Variants in MACROD2 observed in about 807,000 individuals in gnomAD.
MACROD2 encodes mono-ADP ribosylhydrolase 2, also known as ADP-ribose glycohydrolase MACROD2.
Under a neutral mutation model 70.4 loss-of-function variants are expected in MACROD2, and 36 were observed. The observed-to-expected ratio is 0.51, with a 90% CI of 0.39 to 0.68. The LOEUF is 0.68. Ranked by LOEUF, MACROD2 falls within the 30% of genes least tolerant of loss-of-function variation. The pLI is 0.00. For synonymous variants in MACROD2, 172 were observed against 178.8 expected, an observed-to-expected ratio of 0.96 and a Z score of 0.30; for missense variants, 496 against 538.4, an observed-to-expected ratio of 0.92 and a Z score of 0.78.
At chr20:14,084,246 C>T (rs2054047017) in intron 2 of MACROD2, among the ~76,000 whole-genome samples, 1 of 151,642 alleles carries the variant, frequency 6.6e-6, no homozygotes, top group Non-Finnish European at 1.5e-5. Flanking sequence ...GACTCATAAC[C>T]TATCACCTCT....
chr20:14,950,435 A>G (rs1044535011), intron 5 of MACROD2, among the ~76,000 whole-genome samples: 4 of 152,174 alleles, frequency 2.6e-5, no homozygotes, highest in Non-Finnish European at 5.9e-5. Flanking sequence ...AATTAAATCT[A>G]TGGTGTCATG....
intron 5 of MACROD2, among the ~76,000 whole-genome samples, chr20:15,149,217 A>G (rs920620538): frequency 5.3e-5 from 8 of 152,022 alleles, no homozygotes; most frequent in African/African-American, 1.9e-4. Flanking sequence ...AGAATAGCAG[A>G]TGGAACACTG....
chr20:15,268,527 G>A lies in MACROD2; in HGVS notation c.540+38466G>A, dbSNP rs539595679. The stretch of plus-strand genomic sequence containing the variant: ...AAATTAGCCAGGTGTGGTCGTGGGC[G>A]CCTGTAATCCTAGCTACTCAGGAGG... On this transcript the variant is annotated intron_variant, in intron 6 of 17. Coordinates refer to ENST00000684519, the MANE Select transcript of MACROD2 (RefSeq NM_001351661.2). Among the ~76,000 whole-genome samples, 18 of 152,216 alleles carry A rather than the reference G, an allele frequency of 1.2e-4. No individual in the cohort carries two copies. The East Asian group carries it at 2.1e-3, about 18-fold the overall frequency.
At chr20:15,133,118 T>A (rs1346378803) in intron 5 of MACROD2, among the ~76,000 whole-genome samples, 5 of 152,072 alleles carry the variant, frequency 3.3e-5, no homozygotes, top group Non-Finnish European at 5.9e-5. Flanking sequence ...TTTTGCTAAA[T>A]GTACTTAGAA....
chr20:15,522,866 A>G (rs534451308), intron 8 of MACROD2, among the ~76,000 whole-genome samples: 1 of 152,306 alleles, frequency 6.6e-6, no homozygotes, highest in East Asian at 1.9e-4. Context: ...GGAGACGGAG[A>G]GTTTTATGAA....
intron 6 of MACROD2, among the ~76,000 whole-genome samples, chr20:15,389,527 T>C (rs946091374): frequency 6.6e-6 from 1 of 152,220 alleles, no homozygotes; most frequent in Non-Finnish European, 1.5e-5. Flanking sequence ...TATTTTCTAT[T>C]AGCACTCCCC....
intron 5 of MACROD2, chr20:14,905,951 A>G (rs2073953623): frequency 2.0e-5 from 3 of 151,750 alleles, no homozygotes; most frequent in South Asian, 4.2e-4. Flanking sequence ...CACTTTCTCC[A>G]TATTATTGCT....
chr20:15,614,322 T>C (rs2049009108), intron 8 of MACROD2, among the ~76,000 whole-genome samples: 1 of 152,252 alleles, frequency 6.6e-6, no homozygotes, highest in African/African-American at 2.4e-5. Context: ...CCTTTGTTGA[T>C]AATTTTCTCC....
chr20:15,774,787 CT>C (rs2051693854), intron 8 of MACROD2, among the ~76,000 whole-genome samples: 1 of 151,068 alleles, frequency 6.6e-6, no homozygotes, highest in South Asian at 2.1e-4. Flanking sequence ...AGTATTTCCC[CT>C]CTGTTCCCCT....
chr20:14,169,480 T>A (rs1461907872), intron 3 of MACROD2, among the ~76,000 whole-genome samples: 1 of 114,214 alleles, frequency 8.8e-6, no homozygotes, highest in Non-Finnish European at 2.1e-5. Flanking sequence ...AATTTTGTAT[T>A]TTTAGTAGAG....
chr20:15,395,670 A>C (rs2045851183), intron 6 of MACROD2, among the ~76,000 whole-genome samples: 1 of 152,186 alleles, frequency 6.6e-6, no homozygotes, highest in African/African-American at 2.4e-5. Context: ...CGACCCCCAA[A>C]TTAACATATT....
intron 6 of MACROD2, among the ~76,000 whole-genome samples, chr20:15,324,102 G>T (rs1394304690): frequency 1.3e-5 from 2 of 151,580 alleles, no homozygotes; most frequent in African/African-American, 4.8e-5. Flanking sequence ...TTTAATTTTA[G>T]TTTGGTTTAA....
At chr20:15,434,223 A>G (rs767823999) in intron 7 of MACROD2, among the ~76,000 whole-genome samples, 2 of 152,098 alleles carry the variant, frequency 1.3e-5, no homozygotes, top group Admixed American at 6.6e-5. Context: ...AGCAAAATAA[A>G]TAATCAGCAA....
At chr20:14,959,809 A>G (rs2074568063) in intron 5 of MACROD2, among the ~76,000 whole-genome samples, 1 of 152,152 alleles carries the variant, frequency 6.6e-6, no homozygotes, top group African/African-American at 2.4e-5. Flanking sequence ...GTGGGAATCC[A>G]CAGCTAGGAT....
intron 6 of MACROD2, among the ~76,000 whole-genome samples, chr20:15,296,524 CAG>C (rs1045746958): frequency 6.6e-6 from 1 of 152,042 alleles, no homozygotes; most frequent in Non-Finnish European, 1.5e-5. Context: ...CAAAAAATAA[CAG>C]AGAGAGGGAA....
Position 14,230,653 on chromosome 20 carries a change from AT to A in MACROD2, c.271+144926del, listed in dbSNP as rs1193092925. ...TGTTTATATATATATATATATATAT[AT>A]AACACAGGCTGGGCCTATATATATA... is the stretch of plus-strand genomic sequence containing the variant. On this transcript the variant is annotated intron_variant, in intron 3 of 17. Coordinates refer to ENST00000684519, the MANE Select transcript of MACROD2 (RefSeq NM_001351661.2). 5.0e-5 allele frequency among the ~76,000 whole-genome samples: 2 copies of A among 40,000 alleles called. 1 individual carries two copies. The highest frequency in any genetic ancestry group is 7.3e-4 in the Admixed American group (2 of 2,754). 26.2% of individuals were successfully genotyped at this position (40,000 alleles called of 152,430 possible). A position where few individuals can be genotyped will look rare whatever the true frequency, so the allele number is the denominator to read the frequency against.
intron 3 of MACROD2, among the ~76,000 whole-genome samples, chr20:14,350,028 C>T (rs373840137): frequency 6.6e-6 from 1 of 151,666 alleles, no homozygotes; most frequent in African/African-American, 2.4e-5. Flanking sequence ...GGATTACAGG[C>T]GTGAGCCACT....
chr20:14,900,410 G>T (rs1387057945), intron 5 of MACROD2, among the ~76,000 whole-genome samples: 1 of 152,074 alleles, frequency 6.6e-6, no homozygotes, highest in Non-Finnish European at 1.5e-5. Flanking sequence ...TTTAATAGTA[G>T]AATTCACCAG....
intron 6 of MACROD2, among the ~76,000 whole-genome samples, chr20:15,353,359 G>T (rs1184872564): frequency 6.6e-6 from 1 of 152,074 alleles, no homozygotes; most frequent in Non-Finnish European, 1.5e-5. Flanking sequence ...AATTCCAGAT[G>T]GATTAAAGAC....
Sources: gnomAD v4.1 joint callset for allele counts (sites outside exome capture counted in the v4.1 genomes callset) on GRCh38, gnomAD v4.1.1 for gene constraint, MANE v1.5 for transcripts, NCBI Gene and HGNC (gene_info 2026-07-23, HGNC 2026-07-21) for gene names.